The following DKK2 variants were observed in gnomAD, a reference collection of about 807,000 sequenced individuals.
The protein encoded by DKK2 is dickkopf Wnt signaling pathway inhibitor 2, also known as dickkopf-related protein 2.
In DKK2, 11 loss-of-function variants were observed where a neutral mutation model predicts 28.1. The ratio of observed to expected loss-of-function variants is 0.39; its 90% CI spans 0.25 to 0.65. The LOEUF (loss-of-function observed/expected upper bound fraction) is 0.65, where lower values mean the gene tolerates loss of function less well. Among genes scored for constraint, DKK2 ranks in the 30% least tolerant of loss-of-function variants. DKK2 has a pLI of 0.47. For synonymous variants in DKK2, 135 were observed against 126.5 expected (o/e 1.07, Z -0.45); for missense variants, 326 against 335.5 (o/e 0.97, Z 0.22).
chr4:107,024,743 T>A (rs991953648), intron 1 of DKK2, among the ~76,000 whole-genome samples: 1 of 152,180 alleles, frequency 6.6e-6, no homozygotes, highest in African/African-American at 2.4e-5. Flanking sequence ...ATTTTACCGA[T>A]GAAAAAACTA....
chr4:106,978,808 CA>C (rs145885377), intron 1 of DKK2, among the ~76,000 whole-genome samples: 5 of 150,468 alleles, frequency 3.3e-5, no homozygotes, highest in Non-Finnish European at 7.4e-5. Flanking sequence ...AAAAAGAAAA[CA>C]AACAAACTCC....
At chr4:107,023,325 A>G (rs1051225787) in intron 1 of DKK2, among the ~76,000 whole-genome samples, 8 of 152,088 alleles carry the variant, frequency 5.3e-5, no homozygotes, top group African/African-American at 1.4e-4. Context: ...AAATAAAACA[A>G]TCACTGTGAA....
intron 1 of DKK2, among the ~76,000 whole-genome samples, chr4:106,967,888 G>A (rs1722806956): frequency 6.6e-6 from 1 of 150,890 alleles, no homozygotes; most frequent in South Asian, 2.1e-4. Context: ...AGGAGAAGAA[G>A]GAAGGGAGGG....
chr4:106,958,037 AT>A (rs1722627124), intron 1 of DKK2, among the ~76,000 whole-genome samples: 1 of 150,974 alleles, frequency 6.6e-6, no homozygotes, highest in African/African-American at 2.4e-5. Flanking sequence ...ATAATTGAGA[AT>A]TTATTTAGAA....
chr4:106,992,494 T>C (rs1723218847), intron 1 of DKK2, among the ~76,000 whole-genome samples: 1 of 152,174 alleles, frequency 6.6e-6, no homozygotes. Context: ...CCATCCTCAA[T>C]TTGTGCTCTG....
At position 107,036,200 on chromosome 4, in the gene DKK2, C is replaced by G. The variant is rs1043945661; in HGVS notation, c.-609G>C. 2.6e-5 allele frequency: 4 copies of G among 152,680 alleles called. No individual in the cohort carries two copies. The highest frequency in any genetic ancestry group is 2.9e-5 in the Non-Finnish European group (2 of 68,506). The allele number at this position is 152,680 out of a possible 1,614,324, so 9.5% of individuals were successfully genotyped here. ...CCCACACGCGCACTCACAGTTGCCC[C>G]GAAGCGTTGTCCCCTGACTCACAAG... On this transcript the variant is annotated 5_prime_UTR_variant, in exon 1 of 4. Coordinates refer to ENST00000285311, the MANE Select transcript of DKK2 (RefSeq NM_014421.3).
At chr4:107,005,340 CAA>C (rs35333301) in intron 1 of DKK2, among the ~76,000 whole-genome samples, 5 of 72,468 alleles carry the variant, frequency 6.9e-5, no homozygotes, top group African/African-American at 1.1e-4. Flanking sequence ...GACTTGGTCT[CAA>C]AAAAAAAAAA....
chr4:106,924,535 A>G lies in DKK2; in HGVS notation c.529+10T>C. ...TTTTAAAAAAACCCCAGAACTACAG[A>G]TATCCCTACCTTTTATATGTGACAT... On this transcript the variant is annotated intron_variant, in intron 3 of 3. Coordinates refer to ENST00000285311, the MANE Select transcript of DKK2 (RefSeq NM_014421.3). The G allele has an allele frequency of 1.2e-6, 2 of 1,611,900 alleles. No individual in the cohort carries two copies. The highest frequency in any genetic ancestry group is 1.7e-6 in the Non-Finnish European group (2 of 1,178,922).
intron 1 of DKK2, among the ~76,000 whole-genome samples, chr4:106,997,579 C>T (rs1049817996): frequency 6.6e-6 from 1 of 151,792 alleles, no homozygotes; most frequent in African/African-American, 2.4e-5. Flanking sequence ...TCTTATTTTC[C>T]CATGTCAACT....
intron 1 of DKK2, among the ~76,000 whole-genome samples, chr4:107,012,056 G>T (rs1723525792): frequency 6.6e-6 from 1 of 151,184 alleles, no homozygotes; most frequent in Non-Finnish European, 1.5e-5. Context: ...TCACTAACTA[G>T]ATATAGCTTG....
chr4:106,969,656 G>A (rs964153384), intron 1 of DKK2, among the ~76,000 whole-genome samples: 5 of 151,764 alleles, frequency 3.3e-5, no homozygotes, highest in Non-Finnish European at 7.4e-5. Flanking sequence ...TTTATTTTGA[G>A]TGAGTTCTTC....
In DKK2 at chr4:106,921,932, C is replaced by T. The variant is rs1724348489; in HGVS notation, c.*2022G>A. ...TAAGAAATATCTCTATAAGAAAATA[C>T]ATCTCATTAACATTTCCTGTAAATA... On this transcript the variant is annotated 3_prime_UTR_variant, in exon 4 of 4. Coordinates refer to ENST00000285311, the MANE Select transcript of DKK2 (RefSeq NM_014421.3). 6.6e-6 allele frequency: 1 copy of T among 152,522 alleles called. No homozygotes were observed. The highest frequency in any genetic ancestry group is 2.1e-4 in the South Asian group (1 of 4,832). 9.4% of individuals were successfully genotyped at this position (152,522 alleles called of 1,614,324 possible).
intron 1 of DKK2, among the ~76,000 whole-genome samples, chr4:106,936,373 A>G (rs1347605405): frequency 6.6e-6 from 1 of 152,212 alleles, no homozygotes; most frequent in Non-Finnish European, 1.5e-5. Flanking sequence ...TCAGCGATGG[A>G]AGATGAAATG....
chr4:106,925,673 T>C (rs1480251319), intron 2 of DKK2, 126 bp downstream of exon 2: 2 of 1,309,810 alleles, frequency 1.5e-6, no homozygotes, highest in Non-Finnish European at 2.1e-6. Context: ...TTACACTACC[T>C]AAACCAGTTC....
intron 1 of DKK2, among the ~76,000 whole-genome samples, chr4:107,011,010 T>C (rs750116933): frequency 1.3e-4 from 19 of 151,528 alleles, no homozygotes; most frequent in Non-Finnish European, 2.4e-4. Flanking sequence ...GATACTCTTA[T>C]CTGCTTCTGC....
intron 1 of DKK2, among the ~76,000 whole-genome samples, chr4:107,012,690 C>T (rs1021029820): frequency 1.3e-5 from 2 of 151,192 alleles, no homozygotes; most frequent in Admixed American, 6.6e-5. Context: ...ACTGCATTCT[C>T]TAAGGTCCAA....
intron 1 of DKK2, among the ~76,000 whole-genome samples, chr4:106,949,247 T>C (rs1458795286): frequency 6.6e-6 from 1 of 152,160 alleles, no homozygotes; most frequent in East Asian, 1.9e-4. Flanking sequence ...CTTCCTTTGA[T>C]GTCTGAGATT....
intron 1 of DKK2, among the ~76,000 whole-genome samples, chr4:107,013,347 T>A (rs1723541433): frequency 6.6e-6 from 1 of 151,450 alleles, no homozygotes; most frequent in African/African-American, 2.4e-5. Context: ...AACAGACACA[T>A]AAACCAATGG....
At chr4:106,930,660 A>T (rs1432167400) in intron 1 of DKK2, among the ~76,000 whole-genome samples, 1 of 152,194 alleles carries the variant, frequency 6.6e-6, no homozygotes, top group East Asian at 1.9e-4. Flanking sequence ...TGTTGTTTTA[A>T]TCGGGACAAT....
Sources: allele counts gnomAD v4.1 joint callset (sites outside exome capture counted in the v4.1 genomes callset), GRCh38; gene constraint gnomAD v4.1.1; transcripts MANE v1.5; gene names NCBI Gene and HGNC (gene_info 2026-07-23, HGNC 2026-07-21).